The following MFN2 variants were observed in gnomAD, a reference collection of about 807,000 sequenced individuals.
MFN2 encodes mitofusin 2.
MFN2 carries 43 observed loss-of-function variants against 87.5 expected under a neutral mutation model. The ratio of observed to expected loss-of-function variants is 0.49; its 90% CI spans 0.38 to 0.63. The LOEUF (loss-of-function observed/expected upper bound fraction) is 0.63, where lower values mean the gene tolerates loss of function less well. Ranked by LOEUF, MFN2 falls within the 30% of genes least tolerant of loss-of-function variation. The pLI is 0.00. For synonymous variants in MFN2, 337 were observed against 359.9 expected (o/e 0.94, Z 0.72); for missense variants, 743 against 972.8 (o/e 0.76, Z 3.14).
chr1:11,992,420 C>A, intron 3 of MFN2, 135 bp from the exon 4 acceptor site: 2 of 1,107,574 alleles, frequency 1.8e-6, no homozygotes, highest in Non-Finnish European at 2.8e-6. Context: ...GGATCTGGAG[C>A]TCAGCCTGTC....
chr1:11,987,463 C>G (rs1434802718), intron 2 of MFN2, among the ~76,000 whole-genome samples: 1 of 151,482 alleles, frequency 6.6e-6, no homozygotes, highest in Non-Finnish European at 1.5e-5. Context: ...AACCCCACCT[C>G]TACTGAAAAT....
intron 6 of MFN2, among the ~76,000 whole-genome samples, chr1:11,997,879 C>CTTTTTTTTTT (rs768355266): frequency 4.2e-5 from 4 of 95,864 alleles, no homozygotes; most frequent in African/African-American, 8.4e-5. Flanking sequence ...TGTATATCAT[C>CTTTTTTTTTT]TTTTTTTTTT....
chr1:11,983,508 T>A (rs1569777821), intron 2 of MFN2, among the ~76,000 whole-genome samples: 1 of 152,180 alleles, frequency 6.6e-6, no homozygotes, highest in Non-Finnish European at 1.5e-5. Context: ...CCAGAGCACT[T>A]ATGAGGCAGT....
At chr1:11,990,752 A>C (rs1638640809) in intron 3 of MFN2, among the ~76,000 whole-genome samples, 1 of 152,098 alleles carries the variant, frequency 6.6e-6, no homozygotes, top group Non-Finnish European at 1.5e-5. Flanking sequence ...CTCGCTTTTA[A>C]GTGTAGTCAC....
rs41278632 is a variant in MFN2 at position 12,001,541 on chromosome 1, C to T, written c.957C>T (p.Gly319=). The change falls in exon 9 of 19, where the codon GGC becomes GGT. Residue 319 remains glycine, a synonymous_variant. Transcript: ENST00000235329. ...VLNARIQKAQ[G]MPEGGGALAE... Reference sequence around the variant, plus strand: ...ACGCCAGGATTCAGAAAGCCCAGGGCATGCCTGAAGGAGGTAATGATGAGA... The same window carrying T: ...ACGCCAGGATTCAGAAAGCCCAGGGTATGCCTGAAGGAGGTAATGATGAGA... The T allele has an allele frequency of 0.01, 16,496 of 1,614,198 alleles. 126 individuals carry two copies. The highest frequency in any genetic ancestry group is 0.012 in the Non-Finnish European group (14,630 of 1,180,038).
At chr1:11,985,653 A>G (rs1051935658) in intron 2 of MFN2, among the ~76,000 whole-genome samples, 1 of 151,910 alleles carries the variant, frequency 6.6e-6, no homozygotes, top group African/African-American at 2.4e-5. Flanking sequence ...TTTTTCATAG[A>G]GACGGGGTTT....
At chr1:12,005,284 C>T (rs532075063) in intron 14 of MFN2, among the ~76,000 whole-genome samples, 8 of 152,232 alleles carry the variant, frequency 5.3e-5, no homozygotes, top group African/African-American at 1.2e-4. Context: ...GGTTTTGCCA[C>T]GTTGGCCAGG....
At chr1:11,995,665 T>G (rs543949774) in intron 4 of MFN2, among the ~76,000 whole-genome samples, 2 of 151,454 alleles carry the variant, frequency 1.3e-5, no homozygotes, top group Admixed American at 1.3e-4. Context: ...AATGAGAAAG[T>G]AACCTTCCCT....
intron 4 of MFN2, among the ~76,000 whole-genome samples, chr1:11,993,748 A>C (rs1218698847): frequency 4.0e-5 from 6 of 151,576 alleles, no homozygotes; most frequent in Non-Finnish European, 7.4e-5. Context: ...AAAAAAAAAA[A>C]AATCTAAAAA....
At chr1:11,986,823 C>G (rs28718032) in intron 2 of MFN2, among the ~76,000 whole-genome samples, 26 of 151,692 alleles carry the variant, frequency 1.7e-4, no homozygotes, top group African/African-American at 6.3e-4. Context: ...GTGATCCACC[C>G]GCCTGGGCCT....
At chr1:12,006,780 T>G in intron 16 of MFN2, 87 bp downstream of exon 16, 1 of 1,542,690 alleles carries the variant, frequency 6.5e-7, no homozygotes. Context: ...GGCCCCTGCA[T>G]TGGGCCACAC....
intron 18 of MFN2, 28 bp from the exon 19 acceptor site, chr1:12,011,468 T>G (rs1386863710): frequency 6.2e-7 from 1 of 1,613,704 alleles, no homozygotes; most frequent in Non-Finnish European, 8.5e-7. Flanking sequence ...TCAGCTATCA[T>G]GGTTACAAAA....
chr1:12,001,610 G>T, intron 9 of MFN2, 56 bp downstream of exon 9: 4 of 1,610,828 alleles, frequency 2.5e-6, no homozygotes, highest in African/African-American at 1.3e-5. Context: ...ATTTTGTCTC[G>T]TGCTGAGGAG....
Position 12,011,868 on chromosome 1 carries a change from G to C in MFN2, c.*303G>C. The C allele has an allele frequency of 2.0e-6, 1 of 489,828 alleles. No individual in the cohort carries two copies. The highest frequency in any genetic ancestry group is 2.2e-5 in the South Asian group (1 of 45,222). 30.3% of individuals were successfully genotyped at this position (489,828 alleles called of 1,614,324 possible). On this transcript the variant is annotated 3_prime_UTR_variant, in exon 19 of 19. Coordinates refer to ENST00000235329, the MANE Select transcript of MFN2 (RefSeq NM_014874.4). The stretch of plus-strand genomic sequence containing the variant: ...CTTTCTCTGGTTCATTTGATTGCTT[G>C]ATAAGGCCTCAGGATCTCAGCATTG...
chr1:11,994,613 A>G (rs1282894255), intron 4 of MFN2, among the ~76,000 whole-genome samples: 5 of 152,072 alleles, frequency 3.3e-5, no homozygotes, highest in Admixed American at 6.6e-5. Flanking sequence ...CTAATACAAG[A>G]AAAAAGGCAT....
intron 9 of MFN2, 62 bp from the exon 10 acceptor site, chr1:12,001,707 G>C: frequency 6.2e-7 from 1 of 1,607,332 alleles, no homozygotes; most frequent in South Asian, 1.1e-5. Context: ...GGTTTCTGGG[G>C]ATTTCATCGT....
At chr1:11,996,384 G>A in intron 5 of MFN2, 66 bp downstream of exon 5, 1 of 1,591,740 alleles carries the variant, frequency 6.3e-7, no homozygotes, top group Non-Finnish European at 8.6e-7. Flanking sequence ...GTTGTGACAC[G>A]GCTGACCTCA....
Position 11,996,266 on chromosome 1 carries a change from G to T in MFN2, c.422G>T (p.Gly141Val). The change falls in exon 5 of 19, where the codon GGC becomes GTC. Residue 141 changes from glycine to valine, a missense_variant. By Grantham distance (109) the Gly-to-Val change is moderately radical (BLOSUM62 -3). Transcript: ENST00000235329. ...TTCCTGCGGGTAGAGGGCACAGATG[G>T]CCATGAGGCCTTTCTCCTTACCGAG... is the stretch of plus-strand genomic sequence containing the variant. ...NCFLRVEGTD[G>V]HEAFLLTEGS... 6.2e-7 allele frequency: 1 copy of T among 1,614,216 alleles called. No homozygotes were observed. Among genetic ancestry groups the T allele is most frequent in the Non-Finnish European group, 8.5e-7 (1 of 1,180,030 alleles).
Position 12,012,272 on chromosome 1 carries a change from C to G in MFN2, c.*707C>G, listed in dbSNP as rs1181907104. The G allele has an allele frequency of 1.3e-5, 2 of 155,582 alleles. No individual in the cohort carries two copies. Among genetic ancestry groups the G allele is most frequent in the African/African-American group, 4.8e-5 (2 of 41,448 alleles). The allele number at this position is 155,582 out of a possible 1,614,324, so 9.6% of individuals were successfully genotyped here. A position where few individuals can be genotyped will look rare whatever the true frequency, so the allele number is the denominator to read the frequency against. On this transcript the variant is annotated 3_prime_UTR_variant, in exon 19 of 19. Coordinates refer to ENST00000235329, the MANE Select transcript of MFN2 (RefSeq NM_014874.4). ...GAGCTGGCAGAGCAGGTGGCAGTCA[C>G]TGGGACAAGGAGGGACTTGCCTCTC...
Sources: gnomAD v4.1 joint callset for allele counts (sites outside exome capture counted in the v4.1 genomes callset) on GRCh38, gnomAD v4.1.1 for gene constraint, MANE v1.5 for transcripts, NCBI Gene and HGNC (gene_info 2026-07-23, HGNC 2026-07-21) for gene names.